Variants in CEP83 observed in about 807,000 individuals in gnomAD.
CEP83 encodes centrosomal protein 83.
In CEP83, 70 loss-of-function variants were observed where a neutral mutation model predicts 101.9. The observed-to-expected ratio is 0.69, with a 90% CI of 0.57 to 0.84. CEP83 has a LOEUF of 0.84. Among genes scored for constraint, CEP83 ranks in the 40% least tolerant of loss-of-function variants. CEP83 has a pLI of 0.00. For missense variants in CEP83, 715 were observed against 787.2 expected (o/e 0.91, Z 1.10); for synonymous variants, 264 against 267.9 (o/e 0.99, Z 0.14).
the CEP83 span, among the ~76,000 whole-genome samples, chr12:94,273,227 C>A: frequency 6.6e-6 from 1 of 152,156 alleles, no homozygotes; most frequent in Admixed American, 6.5e-5. Flanking sequence ...ATATTCTTTT[C>A]TTTACCATAT....
chr12:94,388,191 T>A (rs2062272432), intron 6 of CEP83, among the ~76,000 whole-genome samples: 1 of 152,216 alleles, frequency 6.6e-6, no homozygotes, highest in Non-Finnish European at 1.5e-5. Flanking sequence ...TTCCCATCAA[T>A]GGTGAACTGG....
chr12:94,312,392 A>T (rs1023637807), intron 15 of CEP83, among the ~76,000 whole-genome samples: 2 of 152,238 alleles, frequency 1.3e-5, no homozygotes, highest in African/African-American at 4.8e-5. Context: ...TCACTAAATT[A>T]AAAAGATTTT....
At chr12:94,325,330 G>T (rs1410857923) in intron 14 of CEP83, among the ~76,000 whole-genome samples, 4 of 152,086 alleles carry the variant, frequency 2.6e-5, no homozygotes, top group Non-Finnish European at 4.4e-5. Flanking sequence ...CCGCCACCAT[G>T]CCCGGCTAAT....
intron 2 of CEP83, chr12:94,424,408 C>A: frequency 6.2e-7 from 1 of 1,614,066 alleles, no homozygotes; most frequent in Non-Finnish European, 8.5e-7. Flanking sequence ...TGGCTTCACA[C>A]TTCTCTGTGG....
chr12:94,279,145 CTTTTTT>C, the CEP83 span, among the ~76,000 whole-genome samples: 1 of 152,118 alleles, frequency 6.6e-6, no homozygotes, highest in Admixed American at 6.5e-5. Context: ...CCTTCCAATT[CTTTTTT>C]TTCTTTTTCT....
chr12:94,382,423 G>A (rs2061901521), intron 6 of CEP83, among the ~76,000 whole-genome samples: 1 of 151,374 alleles, frequency 6.6e-6, no homozygotes, highest in Non-Finnish European at 1.5e-5. Context: ...CTTGAGGTGG[G>A]AGCTTACATT....
chr12:94,281,587 T>C, the CEP83 span, among the ~76,000 whole-genome samples: 1 of 116,844 alleles, frequency 8.6e-6, no homozygotes, highest in African/African-American at 3.5e-5. Context: ...ACTTAAAAAC[T>C]TTTAAAAAAA....
intron 2 of CEP83, among the ~76,000 whole-genome samples, chr12:94,420,352 T>C (rs1268446092): frequency 6.6e-6 from 1 of 152,214 alleles, no homozygotes; most frequent in Non-Finnish European, 1.5e-5. Flanking sequence ...AGCAGTATTA[T>C]TCCTAACAAC....
chr12:94,430,608 T>C (rs1160734683), intron 2 of CEP83, among the ~76,000 whole-genome samples: 2 of 152,156 alleles, frequency 1.3e-5, no homozygotes, highest in African/African-American at 4.8e-5. Context: ...AGCAAAGCCT[T>C]TGTGACATAT....
chr12:94,276,334 G>A, the CEP83 span, among the ~76,000 whole-genome samples: 3 of 152,138 alleles, frequency 2.0e-5, no homozygotes, highest in Non-Finnish European at 4.4e-5. Flanking sequence ...CAAGATCGTA[G>A]GTGGTGGCAC....
intron 1 of CEP83, among the ~76,000 whole-genome samples, chr12:94,451,323 T>C (rs1195441894): frequency 3.9e-5 from 6 of 151,992 alleles, no homozygotes; most frequent in Non-Finnish European, 5.9e-5. Context: ...CATTAAAAAC[T>C]TTTGCACTTC....
At chr12:94,351,115 G>A (rs1335268574) in intron 11 of CEP83, among the ~76,000 whole-genome samples, 1 of 152,180 alleles carries the variant, frequency 6.6e-6, no homozygotes, top group Non-Finnish European at 1.5e-5. Flanking sequence ...GACTTGAGAT[G>A]GCAGCATAGA....
the CEP83 span, among the ~76,000 whole-genome samples, chr12:94,294,829 C>A: frequency 6.6e-6 from 1 of 152,070 alleles, no homozygotes; most frequent in Non-Finnish European, 1.5e-5. Flanking sequence ...TTTTTTCAAC[C>A]CTTTAGAAGG....
intron 5 of CEP83, 112 bp downstream of exon 5, chr12:94,403,058 A>T: frequency 1.7e-6 from 1 of 600,616 alleles, no homozygotes; most frequent in South Asian, 2.2e-5. Context: ...CACTGCAATG[A>T]CTGAGTAAAA....
chr12:94,298,347 G>T, the CEP83 span, among the ~76,000 whole-genome samples: 1 of 152,280 alleles, frequency 6.6e-6, no homozygotes, highest in African/African-American at 2.4e-5. Context: ...CCCTACAACT[G>T]ACATTTCAAC....
intron 1 of CEP83, among the ~76,000 whole-genome samples, chr12:94,444,953 A>T (rs1208925523): frequency 6.6e-6 from 1 of 152,234 alleles, no homozygotes; most frequent in African/African-American, 2.4e-5. Context: ...GTCATTCAAA[A>T]TACCAAGTTT....
At chr12:94,456,868 G>C (rs1306630653) in intron 1 of CEP83, among the ~76,000 whole-genome samples, 1 of 152,184 alleles carries the variant, frequency 6.6e-6, no homozygotes, top group Non-Finnish European at 1.5e-5. Context: ...TAAGGATACA[G>C]CTCATCGAGA....
chr12:94,276,472 C>G, the CEP83 span, among the ~76,000 whole-genome samples: 1 of 92,492 alleles, frequency 1.1e-5, no homozygotes, highest in African/African-American at 4.5e-5. Flanking sequence ...TAGGTGGAAC[C>G]AGAAGGAGGG....
the CEP83 span, among the ~76,000 whole-genome samples, chr12:94,288,341 TCCAA>T: frequency 4.0e-4 from 61 of 152,236 alleles, no homozygotes; most frequent in Middle Eastern, 3.4e-3. Flanking sequence ...CTCTGACAAC[TCCAA>T]CCCAACAGGA....
Sources: gnomAD v4.1 joint callset for allele counts (sites outside exome capture counted in the v4.1 genomes callset) on GRCh38, gnomAD v4.1.1 for gene constraint, MANE v1.5 for transcripts, NCBI Gene and HGNC (gene_info 2026-07-23, HGNC 2026-07-21) for gene names.